Variants in PRRC1 observed in about 807,000 individuals in gnomAD.
The protein encoded by PRRC1 is protein PRRC1.
PRRC1 carries 39 observed loss-of-function variants against 40.7 expected under a neutral mutation model. The observed-to-expected ratio is 0.96, with a 90% confidence interval of 0.74 to 1.25. The LOEUF (loss-of-function observed/expected upper bound fraction) is 1.25, where lower values mean the gene tolerates loss of function less well. PRRC1 is among the 50% of genes most tolerant of loss of function. The pLI, the probability that PRRC1 is intolerant of heterozygous loss-of-function variation, is 0.00. For synonymous variants in PRRC1, 175 were observed against 193.3 expected (o/e 0.91, Z 0.79); for missense variants, 573 against 548.3 (o/e 1.05, Z -0.45).
chr5:127,523,572 T>C lies in PRRC1; in HGVS notation c.93T>C (p.Pro31=). ...CTGCTACTGCTATGTCTTCTACCCC[T>C]GTTCCATTAGGTACATGTAGTTGTC... ...GLAATAMSST[P]VPLAATSSFS... is the part of the protein sequence containing the mutation. The change falls in exon 2 of 9, where the codon CCT becomes CCC. Residue 31 remains proline, a synonymous_variant. Transcript: ENST00000296666. 1 of 1,604,816 alleles carries C rather than the reference T, an allele frequency of 6.2e-7. No individual in the cohort carries two copies. Among genetic ancestry groups the C allele is most frequent in the Admixed American group, 1.7e-5 (1 of 58,286 alleles).
In PRRC1 at chr5:127,523,595, G is replaced by T. The variant is rs1481965532; in HGVS notation, c.103+13G>T. 6.6e-7 allele frequency: 1 copy of T among 1,515,682 alleles called. No homozygotes were observed. The allele number at this position is 1,515,682 out of a possible 1,614,324, so 93.9% of individuals were successfully genotyped here. A position where few individuals can be genotyped will look rare whatever the true frequency, so the allele number is the denominator to read the frequency against. ...CCTGTTCCATTAGGTACATGTAGTT[G>T]TCTAACATCTCGTGTGTTTTGAGAA... On this transcript the variant is annotated intron_variant, in intron 2 of 8. Coordinates refer to ENST00000296666, the MANE Select transcript of PRRC1 (RefSeq NM_130809.5).
At chr5:127,541,384 C>T (rs1046275670) in intron 7 of PRRC1, among the ~76,000 whole-genome samples, 6 of 152,064 alleles carry the variant, frequency 3.9e-5, no homozygotes, top group African/African-American at 1.2e-4. Flanking sequence ...TGATGCTGGC[C>T]TCATAAAATG....
chr5:127,550,688 T>G (rs1768354076), intron 8 of PRRC1: 1 of 152,192 alleles, frequency 6.6e-6, no homozygotes, highest in African/African-American at 2.4e-5. Flanking sequence ...TTCATAGGCA[T>G]GCCATAATTT....
At chr5:127,518,074 CAAGGACCA>C (rs1332566823) in intron 1 of PRRC1, 4 of 152,444 alleles carry the variant, frequency 2.6e-5, no homozygotes, top group African/African-American at 9.6e-5. Flanking sequence ...TGCTCCTGTC[CAAGGACCA>C]AGGCAGGAGC....
intron 7 of PRRC1, among the ~76,000 whole-genome samples, chr5:127,545,053 C>T (rs1768174602): frequency 6.6e-6 from 1 of 152,174 alleles, no homozygotes; most frequent in African/African-American, 2.4e-5. Flanking sequence ...CCATCACTGG[C>T]CATCAGAGAA....
At chr5:127,541,565 C>A (rs561709162) in intron 7 of PRRC1, among the ~76,000 whole-genome samples, 1 of 152,160 alleles carries the variant, frequency 6.6e-6, no homozygotes, top group South Asian at 2.1e-4. Flanking sequence ...TGTTATTGGT[C>A]TATTCAGAGA....
At chr5:127,539,271 C>T (rs1664990288) in intron 7 of PRRC1, 128 bp downstream of exon 7, 2 of 639,734 alleles carry the variant, frequency 3.1e-6, no homozygotes, top group African/African-American at 3.7e-5. Flanking sequence ...CTGGCTATAT[C>T]ACTTAACTAG....
chr5:127,544,004 T>A (rs233028), intron 7 of PRRC1, among the ~76,000 whole-genome samples: 45,320 of 151,588 alleles, frequency 0.3, 7,031 homozygotes, highest in East Asian at 0.54. Context: ...CTTTGTGGTT[T>A]TATCTACTTT....
At position 127,531,372 on chromosome 5, in the gene PRRC1, C is replaced by G. The variant is rs540344796; in HGVS notation, c.757+976C>G. Among the ~76,000 whole-genome samples the G allele has an allele frequency of 2.0e-5, 3 of 152,086 alleles. No homozygotes were observed. The South Asian group carries it at 6.2e-4, about 32-fold the overall frequency. On this transcript the variant is annotated intron_variant, in intron 5 of 8. Coordinates refer to ENST00000296666, the MANE Select transcript of PRRC1 (RefSeq NM_130809.5). ...CTTCCCTTGTAGTAGAAAATTGAAT[C>G]AAGCATTAAATCAACTGAGTTGTTC... is the stretch of plus-strand genomic sequence containing the variant.
intron 4 of PRRC1, among the ~76,000 whole-genome samples, chr5:127,528,419 A>G (rs1040709545): frequency 6.6e-6 from 1 of 151,880 alleles, no homozygotes; most frequent in Non-Finnish European, 1.5e-5. Flanking sequence ...GGTTCAAGCA[A>G]TTCTCCTACC....
chr5:127,538,337 TTCTTA>T (rs775002343), intron 6 of PRRC1, among the ~76,000 whole-genome samples: 2 of 152,096 alleles, frequency 1.3e-5, no homozygotes, highest in Non-Finnish European at 2.9e-5. Flanking sequence ...CTGTTCAGAC[TTCTTA>T]TCTTGCGTTT....
At chr5:127,529,678 TG>T (rs1767713401) in intron 4 of PRRC1, among the ~76,000 whole-genome samples, 1 of 152,164 alleles carries the variant, frequency 6.6e-6, no homozygotes, top group South Asian at 2.1e-4. Context: ...ACTCAAGACT[TG>T]GTTCCTTTTA....
chr5:127,547,079 G>A lies in PRRC1; in HGVS notation c.1026-740G>A, dbSNP rs1768246819. On this transcript the variant is annotated intron_variant, in intron 7 of 8. Coordinates refer to ENST00000296666, the MANE Select transcript of PRRC1 (RefSeq NM_130809.5). ...TTTATTAGATTTACATTAAAAAATA[G>A]GCATTAAACATTTTCCTGCTTCATA... is the stretch of plus-strand genomic sequence containing the variant. Among the ~76,000 whole-genome samples the A allele has an allele frequency of 2.0e-5, 3 of 151,972 alleles. No homozygotes were observed. The South Asian group carries it at 6.3e-4, about 32-fold the overall frequency.
At chr5:127,525,119 A>T (rs941957111) in intron 3 of PRRC1, among the ~76,000 whole-genome samples, 199 bp downstream of exon 3, 1 of 152,190 alleles carries the variant, frequency 6.6e-6, no homozygotes, top group Admixed American at 6.5e-5. Flanking sequence ...TTAAGAAAGA[A>T]ACCCTATACC....
At chr5:127,531,734 T>C (rs911886821) in intron 5 of PRRC1, among the ~76,000 whole-genome samples, 5 of 150,808 alleles carry the variant, frequency 3.3e-5, no homozygotes, top group East Asian at 2.0e-4. Context: ...GTTATTCTTA[T>C]GTCTCAGTCT....
intron 7 of PRRC1, among the ~76,000 whole-genome samples, chr5:127,545,782 A>T (rs574710858): frequency 1.1e-4 from 15 of 136,858 alleles, no homozygotes; most frequent in East Asian, 4.0e-4. Context: ...AGTATAATTT[A>T]AAAAAAAAAA....
In PRRC1 at chr5:127,524,536, A is replaced by G. The variant is rs1339434173; in HGVS notation, c.109A>G (p.Thr37Ala). Residue 37 changes from threonine to alanine, a missense_variant, in exon 3 of 9, where the codon ACC becomes GCC. Transcript: ENST00000296666. Reference sequence around the variant, plus strand: ...TCCTCTCCACTTTTTTCTAGCGGCAACCAGTTCTTTTTCTTCTCCAAATGT... The same window carrying G: ...TCCTCTCCACTTTTTTCTAGCGGCAGCCAGTTCTTTTTCTTCTCCAAATGT... ...MSSTPVPLAA[T>A]SSFSSPNVSS... 19 of 1,593,342 alleles carry G rather than the reference A, an allele frequency of 1.2e-5. No individual in the cohort carries two copies. Among genetic ancestry groups the G allele is most frequent in the African/African-American group, 4.1e-5 (3 of 73,940 alleles).
chr5:127,538,866 ATGTAAT>A (rs1286783821), intron 6 of PRRC1, among the ~76,000 whole-genome samples, 168 bp from the exon 7 acceptor site: 9 of 152,138 alleles, frequency 5.9e-5, no homozygotes, highest in African/African-American at 2.2e-4. Flanking sequence ...TACTACGGAA[ATGTAAT>A]TGTATTTTGT....
intron 5 of PRRC1, among the ~76,000 whole-genome samples, chr5:127,533,127 T>G (rs957036721): frequency 1.3e-5 from 2 of 152,176 alleles, no homozygotes; most frequent in Admixed American, 6.5e-5. Context: ...GTAGTACATG[T>G]ATAATTGATA....
Sources: gnomAD v4.1 joint callset for allele counts (sites outside exome capture counted in the v4.1 genomes callset) on GRCh38, gnomAD v4.1.1 for gene constraint, MANE v1.5 for transcripts, NCBI Gene and HGNC (gene_info 2026-07-23, HGNC 2026-07-21) for gene names.